ZDHHC11: variants seen among roughly 807,000 people sequenced by gnomAD.
The protein encoded by ZDHHC11 is zDHHC palmitoyltransferase 11.
In ZDHHC11, 44 loss-of-function variants were observed where a neutral mutation model predicts 51.3. The ratio of observed to expected loss-of-function variants is 0.86; its 90% CI spans 0.67 to 1.10. The LOEUF is 1.10. Ranked by LOEUF, ZDHHC11 falls within the 50% of genes least tolerant of loss-of-function variation. The pLI is 0.00. For missense variants in ZDHHC11, 400 were observed against 537.7 expected (o/e 0.74, Z 2.53); for synonymous variants, 163 against 222.0 (o/e 0.73, Z 2.36).
In ZDHHC11 at chr5:850,536, C is replaced by T. The variant is rs773579618; in HGVS notation, c.67G>A (p.Val23Ile). Residue 23 changes from valine to isoleucine, a missense_variant, in exon 1 of 13, where the codon GTC (valine) becomes ATC (isoleucine). This residue lies in a region of ZDHHC11 where 119 missense variants were observed against 99.6 expected (regional missense o/e 1.20). Transcript: ENST00000283441. ...ACTCTGGAGATGCGGGGCGGCAAGA[C>T]CAGCTTTTCATTATTGAGTATGGCT... ...PEAILNNEKLVLPPRISRVNG... is the reference protein window; with the variant it reads ...PEAILNNEKLILPPRISRVNG... The T allele has an allele frequency of 6.8e-6, 11 of 1,613,754 alleles. No homozygotes were observed. The highest frequency in any genetic ancestry group is 3.3e-5 in the South Asian group (3 of 91,076).
chr5:804,771 G>A (rs1330695174), intron 11 of ZDHHC11, among the ~76,000 whole-genome samples: 4 of 151,204 alleles, frequency 2.6e-5, no homozygotes, highest in Non-Finnish European at 5.9e-5. Context: ...TATCCTTCCA[G>A]AATAAAGCAA....
At chr5:854,535 A>G (rs1747844373), upstream of ZDHHC11, among the ~76,000 whole-genome samples, 1 of 148,132 alleles carries the variant, frequency 6.8e-6, no homozygotes, top group Non-Finnish European at 1.5e-5. Flanking sequence ...GAGGACAGCG[A>G]GCCGGGGAGA....
chr5:842,200 T>G (rs1275430242), intron 4 of ZDHHC11: 1 of 985,766 alleles, frequency 1.0e-6, no homozygotes, highest in Non-Finnish European at 1.2e-6. Context: ...AGGCAGCACA[T>G]GCCATCTTGG....
intron 11 of ZDHHC11, among the ~76,000 whole-genome samples, chr5:811,212 G>GGA (rs1447742703): frequency 7.2e-6 from 1 of 139,794 alleles, no homozygotes; most frequent in Non-Finnish European, 1.5e-5. Context: ...AATGGATAAA[G>GGA]GAGAAAATGT....
At chr5:858,053 G>C (rs1312531714) in intron 1 of ZDHHC11, among the ~76,000 whole-genome samples, 1 of 139,438 alleles carries the variant, frequency 7.2e-6, no homozygotes. Context: ...GTGGTCCCCT[G>C]AGTCTGTCCA....
chr5:824,169 C>A (rs1377931009), intron 8 of ZDHHC11: 4 of 439,348 alleles, frequency 9.1e-6, no homozygotes, highest in African/African-American at 8.1e-5. Flanking sequence ...TCAAAAGGAC[C>A]AGCCTGCGGC....
At position 825,187 on chromosome 5, in the gene ZDHHC11, G is replaced by C. The variant is rs1434009807; in HGVS notation, c.1000C>G (p.Gln334Glu). ...HLCHFCTSVN[Q>E]DGDSTAREGD... The stretch of plus-strand genomic sequence containing the variant: ...ACCCGTGCCGTCGAATCCCCATCCT[G>C]GTTTACTGAAGTGCAGAAGTGACAT... Residue 334 changes from glutamine (Q) to glutamate (E), a missense_variant, in exon 8 of 13, where the codon CAG (glutamine) becomes GAG (glutamate). Transcript: ENST00000283441. The C allele has an allele frequency of 1.1e-5, 17 of 1,612,674 alleles. No individual in the cohort carries two copies. The highest frequency in any genetic ancestry group is 1.4e-5 in the Non-Finnish European group (17 of 1,179,162).
intron 10 of ZDHHC11, 108 bp downstream of exon 10, chr5:819,417 G>T (rs779112603): frequency 5.0e-6 from 6 of 1,200,880 alleles, no homozygotes; most frequent in Non-Finnish European, 7.3e-6. Flanking sequence ...CTTGGACACA[G>T]AGTGCTTCCC....
At chr5:823,989 T>C (rs1245220078) in intron 8 of ZDHHC11, 1 of 449,706 alleles carries the variant, frequency 2.2e-6, no homozygotes, top group African/African-American at 2.0e-5. Context: ...GGGGCAAGGC[T>C]TGGACACCAG....
intron 11 of ZDHHC11, among the ~76,000 whole-genome samples, chr5:802,624 G>C (rs142448096): frequency 0.035 from 5,271 of 149,824 alleles, 380 homozygotes; most frequent in African/African-American, 0.12. Flanking sequence ...CAATTGCAAT[G>C]AATTATTTGG....
At chr5:817,543 C>T (rs914201591) in intron 10 of ZDHHC11, among the ~76,000 whole-genome samples, 1 of 151,340 alleles carries the variant, frequency 6.6e-6, no homozygotes, top group Non-Finnish European at 1.5e-5. Context: ...CTGCCTGTTA[C>T]GTTTTGTGCT....
chr5:816,517 T>G, intron 10 of ZDHHC11: 1 of 525,486 alleles, frequency 1.9e-6, no homozygotes, highest in Non-Finnish European at 3.8e-6. Context: ...TGTGAAAAAC[T>G]CTGGATGATT....
chr5:840,556 G>A lies in ZDHHC11; in HGVS notation c.723C>T (p.Leu241=), dbSNP rs150248333. Residue 241 remains leucine (L), a synonymous_variant, in exon 5 of 13, where the codon CTC becomes CTT. Transcript: ENST00000283441. ...LIVVIIGMLV[L]LLDFLGLVHL... ...GCACCAAGCCAAGAAAGTCCAGCAG[G>A]AGCACGAGCATCCCGATGATCACGA... 4 of 1,613,758 alleles carry A rather than the reference G, an allele frequency of 2.5e-6. No homozygotes were observed. The highest frequency in any genetic ancestry group is 1.7e-5 in the Admixed American group (1 of 60,008).
rs528197267 is a variant in ZDHHC11 at position 797,029 on chromosome 5, A to ACCC, written c.*8-452_*8-450dup. On this transcript the variant is annotated intron_variant, in intron 12 of 12. Coordinates refer to ENST00000283441, the MANE Select transcript of ZDHHC11 (RefSeq NM_024786.3). ...GAGACCTTCCTGGCTAATACAGTGA[A>ACCC]CCCCCGTCTCTACTAAAAATACAAA... Among the ~76,000 whole-genome samples the ACCC allele has an allele frequency of 3.6e-3, 551 of 151,162 alleles. 12 individuals carry two copies. The highest frequency in any genetic ancestry group is 0.02 in the Middle Eastern group (6 of 294).
At chr5:798,175 C>A (rs1378621184) in intron 12 of ZDHHC11, among the ~76,000 whole-genome samples, 1 of 150,788 alleles carries the variant, frequency 6.6e-6, no homozygotes, top group African/African-American at 2.5e-5. Flanking sequence ...ATTGGCTTGC[C>A]ATTTTGGCTG....
intron 11 of ZDHHC11, among the ~76,000 whole-genome samples, chr5:805,021 T>C (rs1289905241): frequency 2.0e-5 from 3 of 151,360 alleles, no homozygotes; most frequent in African/African-American, 4.9e-5. Context: ...AAAAGTCAAA[T>C]GCATATTACA....
chr5:859,425 C>A (rs753116332), upstream of ZDHHC11, among the ~76,000 whole-genome samples: 1 of 151,982 alleles, frequency 6.6e-6, no homozygotes, highest in Non-Finnish European at 1.5e-5. Context: ...CGTTGTGGTC[C>A]GCAACAAAAT....
At chr5:804,617 A>C (rs1387728163) in intron 11 of ZDHHC11, among the ~76,000 whole-genome samples, 1 of 151,304 alleles carries the variant, frequency 6.6e-6, no homozygotes. Context: ...GAAGTGACTA[A>C]TCAGAATCAA....
rs533643876 is a variant in ZDHHC11, at chr5:837,544, G to C, written c.785-64C>G. On this transcript the variant is annotated intron_variant, in intron 5 of 12. Transcript: ENST00000283441. Reference sequence around the variant, plus strand: ...CCTGCGGCTTTGCACGGCGCCCACAGGACAGCTCAGCAGAGTGGCCAGTGC... The same window carrying C: ...CCTGCGGCTTTGCACGGCGCCCACACGACAGCTCAGCAGAGTGGCCAGTGC... The C allele has an allele frequency of 3.2e-6, 5 of 1,552,364 alleles. No individual in the cohort carries two copies. The South Asian group carries it at 3.3e-5, about 10-fold the overall frequency.
Sources: allele counts gnomAD v4.1 joint callset (sites outside exome capture counted in the v4.1 genomes callset), GRCh38; gene constraint gnomAD v4.1.1; regional missense constraint gnomAD v4.1.1; transcripts MANE v1.5; gene names NCBI Gene and HGNC (gene_info 2026-07-23, HGNC 2026-07-21).